The following CCDC175 variants were observed in gnomAD, a reference collection of about 807,000 sequenced individuals.
The protein encoded by CCDC175 is coiled-coil domain containing 175.
A neutral mutation model predicts 114.6 loss-of-function variants in CCDC175; 100 were observed. The observed-to-expected ratio is 0.87, with a 90% CI of 0.74 to 1.03. The LOEUF is 1.03. CCDC175 is among the 50% of genes least tolerant of loss of function. The pLI is 0.00. For synonymous variants in CCDC175, 306 were observed against 308.7 expected, an observed-to-expected ratio of 0.99 and a Z score of 0.09; for missense variants, 880 against 917.8, an observed-to-expected ratio of 0.96 and a Z score of 0.53.
chr14:59,520,451 A>G (rs949918103), intron 17 of CCDC175, among the ~76,000 whole-genome samples: 2 of 152,196 alleles, frequency 1.3e-5, no homozygotes, highest in African/African-American at 4.8e-5. Flanking sequence ...ATTTCCTATA[A>G]AGTTAATCAT....
chr14:59,516,540 T>C (rs558174993), intron 17 of CCDC175, among the ~76,000 whole-genome samples: 4 of 152,156 alleles, frequency 2.6e-5, no homozygotes, highest in South Asian at 4.1e-4. Context: ...ACTATAAACA[T>C]CTCTATGCAA....
chr14:59,569,884 A>G (rs906659543), intron 3 of CCDC175, among the ~76,000 whole-genome samples: 19 of 152,206 alleles, frequency 1.2e-4, no homozygotes, highest in Admixed American at 3.3e-4. Context: ...CAGAAATAGC[A>G]GACCTAAGGA....
intron 17 of CCDC175, among the ~76,000 whole-genome samples, chr14:59,517,902 G>A (rs985655019): frequency 1.4e-4 from 21 of 152,178 alleles, no homozygotes; most frequent in Non-Finnish European, 2.4e-4. Context: ...GAGGCATCAC[G>A]CTACCTGACT....
Position 59,505,345 on chromosome 14 carries a change from T to G in CCDC175, c.2306-30A>C, listed in dbSNP as rs779590492. On this transcript the variant is annotated intron_variant, in intron 19 of 19. Coordinates refer to ENST00000537690, the MANE Select transcript of CCDC175 (RefSeq NM_001164399.2). Reference sequence around the variant, plus strand: ...AGGAATAAAAAATAAATATAAAAATTTTATTTGTATTGCACACATTTGGGG... The same window carrying G: ...AGGAATAAAAAATAAATATAAAAATGTTATTTGTATTGCACACATTTGGGG... 29 of 1,232,702 alleles carry G rather than the reference T, an allele frequency of 2.4e-5. No homozygotes were observed. The South Asian group carries it at 4.2e-4, about 18-fold the overall frequency. 76.4% of individuals were successfully genotyped at this position (1,232,702 alleles called of 1,614,324 possible).
rs181544287 is a variant in CCDC175, at chr14:59,558,642, G to C, written c.953+2477C>G. Among the ~76,000 whole-genome samples, 12 of 152,244 alleles carry C rather than the reference G, an allele frequency of 7.9e-5. No homozygotes were observed. The East Asian group carries it at 1.9e-3, about 24-fold the overall frequency. On this transcript the variant is annotated intron_variant, in intron 7 of 19. Coordinates refer to ENST00000537690, the MANE Select transcript of CCDC175 (RefSeq NM_001164399.2). The stretch of plus-strand genomic sequence containing the variant: ...AACTGATAATGGAAGACTGTGGGAA[G>C]AGCTGTTTCAGGAAGGTGAGAAATC...
chr14:59,522,253 C>T (rs554454857), intron 16 of CCDC175, among the ~76,000 whole-genome samples: 2 of 152,258 alleles, frequency 1.3e-5, no homozygotes, highest in East Asian at 3.9e-4. Flanking sequence ...GGCTTTGGGA[C>T]ATAAAACTGG....
chr14:59,571,388 T>A lies in CCDC175; in HGVS notation c.355+1314A>T, dbSNP rs571285636. Among the ~76,000 whole-genome samples the A allele has an allele frequency of 6.6e-5, 10 of 152,258 alleles. No individual in the cohort carries two copies. In the South Asian group the frequency reaches 2.1e-3, roughly 32 times the overall value. Reference sequence around the variant, plus strand: ...TCTAATCAGTGGTTAACATTCAGAATACATAAAGAACTCCTACAACTCAAC... The same window carrying A: ...TCTAATCAGTGGTTAACATTCAGAAAACATAAAGAACTCCTACAACTCAAC... On this transcript the variant is annotated intron_variant, in intron 3 of 19. Transcript: ENST00000537690.
rs1459457568 is a variant in CCDC175 at position 59,565,170 on chromosome 14, A to G, written c.597T>C (p.Tyr199=). Reference sequence around the variant, plus strand: ...CTTCTCTCTTCAAGTTTATTTTGGTATAAGTCTCATTTATGTAAACAGTGG... The same window carrying G: ...CTTCTCTCTTCAAGTTTATTTTGGTGTAAGTCTCATTTATGTAAACAGTGG... ...ATTTVYINET[Y]TKINLKREDI... Residue 199 remains tyrosine, a synonymous_variant, in exon 5 of 20, where the codon TAT becomes TAC. Transcript: ENST00000537690. The G allele has an allele frequency of 6.5e-7, 1 of 1,537,742 alleles. No homozygotes were observed. The highest frequency in any genetic ancestry group is 2.4e-5 in the East Asian group (1 of 40,904).
Position 59,565,157 on chromosome 14 carries a change from A to C in CCDC175, c.610T>G (p.Leu204Val). Residue 204 changes from leucine (L) to valine (V), a missense_variant, in exon 5 of 20, where the codon TTG (leucine) becomes GTG (valine). Transcript: ENST00000537690. The stretch of plus-strand genomic sequence containing the variant: ...TGCAATGCTATGTCTTCTCTCTTCA[A>C]GTTTATTTTGGTATAAGTCTCATTT... ...YINETYTKIN[L>V]KREDIALQKK... is the part of the protein sequence containing the mutation. 6.5e-7 allele frequency: 1 copy of C among 1,537,732 alleles called. No individual in the cohort carries two copies. The highest frequency in any genetic ancestry group is 2.4e-5 in the East Asian group (1 of 40,920).
chr14:59,525,533 A>C (rs1457003187), intron 15 of CCDC175, 99 bp from the exon 16 acceptor site: 1 of 834,130 alleles, frequency 1.2e-6, no homozygotes, highest in Non-Finnish European at 1.8e-6. Flanking sequence ...ATTCTAAATT[A>C]ATTTCTGAAG....
intron 13 of CCDC175, among the ~76,000 whole-genome samples, chr14:59,534,622 A>G (rs1049753025): frequency 6.6e-5 from 10 of 152,174 alleles, no homozygotes; most frequent in Admixed American, 2.0e-4. Context: ...TGCTTCTCTG[A>G]TCAAATTCTG....
chr14:59,513,833 C>G (rs938813667), intron 17 of CCDC175, among the ~76,000 whole-genome samples: 2 of 152,178 alleles, frequency 1.3e-5, no homozygotes, highest in Non-Finnish European at 2.9e-5. Flanking sequence ...TCTCCTAGCA[C>G]GCAGCTGGAG....
At chr14:59,540,603 T>C in intron 11 of CCDC175, 72 bp downstream of exon 11, 1 of 1,444,260 alleles carries the variant, frequency 6.9e-7, no homozygotes, top group Non-Finnish European at 9.2e-7. Context: ...TCTGCACTGT[T>C]CATTAAGATA....
At chr14:59,573,820 G>A (rs901892191) in intron 2 of CCDC175, among the ~76,000 whole-genome samples, 2 of 151,720 alleles carry the variant, frequency 1.3e-5, no homozygotes, top group African/African-American at 2.4e-5. Flanking sequence ...ACCATGTCTC[G>A]GCCAGGCTAG....
chr14:59,536,760 A>T (rs1251857365), intron 13 of CCDC175, among the ~76,000 whole-genome samples: 1 of 152,076 alleles, frequency 6.6e-6, no homozygotes, highest in African/African-American at 2.4e-5. Context: ...TTAAATTCAT[A>T]GAAGAATGTT....
At chr14:59,516,167 A>G (rs1264721113) in intron 17 of CCDC175, among the ~76,000 whole-genome samples, 1 of 152,246 alleles carries the variant, frequency 6.6e-6, no homozygotes, top group Non-Finnish European at 1.5e-5. Flanking sequence ...CATTCAAAGC[A>G]GTATGTAGAG....
At chr14:59,562,069 C>A (rs867862174) in intron 6 of CCDC175, among the ~76,000 whole-genome samples, 3 of 152,258 alleles carry the variant, frequency 2.0e-5, no homozygotes, top group Middle Eastern at 6.8e-3. Flanking sequence ...TCTAGAGCAC[C>A]CATAGCTAGT....
chr14:59,550,790 C>T (rs1389659838), intron 8 of CCDC175, among the ~76,000 whole-genome samples: 1 of 152,036 alleles, frequency 6.6e-6, no homozygotes, highest in Admixed American at 6.6e-5. Flanking sequence ...TATATCCTGG[C>T]CGCACTGGCA....
intron 19 of CCDC175, among the ~76,000 whole-genome samples, chr14:59,506,111 CAGTT>C (rs879102690): frequency 2.0e-5 from 3 of 152,008 alleles, no homozygotes; most frequent in African/African-American, 7.2e-5. Flanking sequence ...TAATTTGGGT[CAGTT>C]AGTTGATAAA....
Sources: gnomAD v4.1 joint callset for allele counts (sites outside exome capture counted in the v4.1 genomes callset) on GRCh38, gnomAD v4.1.1 for gene constraint, MANE v1.5 for transcripts, NCBI Gene and HGNC (gene_info 2026-07-23, HGNC 2026-07-21) for gene names.